The following RANBP2 variants were observed in gnomAD, a reference collection of about 807,000 sequenced individuals.
RANBP2 encodes RAN binding protein 2, also known as E3 SUMO-protein ligase RanBP2.
A neutral mutation model predicts 303.6 loss-of-function variants in RANBP2; 57 were observed. That is an observed-to-expected ratio of 0.19 (90% CI 0.15 to 0.23). The LOEUF is 0.23. RANBP2 is among the 10% of genes least tolerant of loss of function. The pLI, the probability that RANBP2 is intolerant of heterozygous loss-of-function variation, is 1.00. For synonymous variants in RANBP2, 1,167 were observed against 1,301.5 expected, an observed-to-expected ratio of 0.90 and a Z score of 2.23; for missense variants, 3,138 against 3,780.8, an observed-to-expected ratio of 0.83 and a Z score of 4.46.
the RANBP2 span, among the ~76,000 whole-genome samples, chr2:109,090,289 G>T: frequency 6.7e-6 from 1 of 149,072 alleles, no homozygotes; most frequent in East Asian, 2.0e-4. Context: ...TCAGAATTGT[G>T]GGGTTGTAGG....
the RANBP2 span, among the ~76,000 whole-genome samples, chr2:109,478,701 G>C: frequency 6.6e-6 from 1 of 152,150 alleles, no homozygotes; most frequent in Non-Finnish European, 1.5e-5. Flanking sequence ...AAGGGAGAGA[G>C]GGGGAGAGTC....
the RANBP2 span, among the ~76,000 whole-genome samples, chr2:108,836,331 C>T: frequency 6.6e-6 from 1 of 152,172 alleles, no homozygotes; most frequent in African/African-American, 2.4e-5. Flanking sequence ...TAGCATGTGA[C>T]AGGATTTCCT....
In RANBP2 at chr2:108,744,405, C is replaced by CA. The variant is rs35651916; in HGVS notation, c.976-2293dup. On this transcript the variant is annotated intron_variant, in intron 7 of 28. Coordinates refer to ENST00000283195, the MANE Select transcript of RANBP2 (RefSeq NM_006267.5). ...CTGGCGACAGAGCGAGACTCCATCT[C>CA]AAAAAAAAAAAAAGGAAATAGTGAA... 2.9e-3 allele frequency among the ~76,000 whole-genome samples: 385 copies of CA among 133,802 alleles called. 2 individuals are homozygous for CA. Among genetic ancestry groups the CA allele is most frequent in the African/African-American group, 7.6e-3 (296 of 38,746 alleles). The allele number at this position is 133,802 out of a possible 152,430, so 87.8% of individuals were successfully genotyped here.
At chr2:108,814,461 A>T in the RANBP2 span, among the ~76,000 whole-genome samples, 1 of 152,114 alleles carries the variant, frequency 6.6e-6, no homozygotes, top group Non-Finnish European at 1.5e-5. Flanking sequence ...TTTCATCTAA[A>T]GGGAGTTAGT....
chr2:109,101,775 C>T, the RANBP2 span, among the ~76,000 whole-genome samples: 1 of 152,132 alleles, frequency 6.6e-6, no homozygotes, highest in Admixed American at 6.6e-5. Flanking sequence ...CGGAGAGAGC[C>T]GAGCAGGGGG....
At chr2:109,407,764 G>A in the RANBP2 span, among the ~76,000 whole-genome samples, 6 of 152,112 alleles carry the variant, frequency 3.9e-5, no homozygotes, top group Non-Finnish European at 7.4e-5. Context: ...AAATTGCATT[G>A]TGAGAATCTT....
chr2:109,419,607 G>A, the RANBP2 span: 1,002 of 1,593,664 alleles, frequency 6.3e-4, 10 homozygotes, highest in Non-Finnish European at 1.7e-4. Flanking sequence ...CTGGAGAGCA[G>A]GGCACGCCTC....
chr2:109,527,396 TA>T, the RANBP2 span, among the ~76,000 whole-genome samples: 106 of 152,198 alleles, frequency 7.0e-4, 1 homozygote, highest in East Asian at 9.3e-3. Context: ...GGAGTTTGAG[TA>T]ACATAAGAAA....
At chr2:108,851,696 A>T in the RANBP2 span, among the ~76,000 whole-genome samples, 1 of 152,192 alleles carries the variant, frequency 6.6e-6, no homozygotes, top group Non-Finnish European at 1.5e-5. Flanking sequence ...GTTAAGACCC[A>T]CAATCAGAAA....
At chr2:108,870,466 A>C in the RANBP2 span, among the ~76,000 whole-genome samples, 1 of 152,212 alleles carries the variant, frequency 6.6e-6, no homozygotes, top group African/African-American at 2.4e-5. Flanking sequence ...CTGAAAACTT[A>C]TCAAATTTGA....
the RANBP2 span, chr2:109,614,122 A>G: frequency 8.3e-7 from 1 of 1,206,844 alleles, no homozygotes; most frequent in Non-Finnish European, 1.0e-6. Flanking sequence ...GGGCTGAAGG[A>G]GAGCTGGGAC....
At chr2:109,183,573 C>A in the RANBP2 span, among the ~76,000 whole-genome samples, 7 of 149,286 alleles carry the variant, frequency 4.7e-5, no homozygotes, top group Non-Finnish European at 7.4e-5. Context: ...CAGCTCTTCA[C>A]AATTCAGCCT....
At chr2:108,747,738 T>C (rs1489559396) in intron 8 of RANBP2, among the ~76,000 whole-genome samples, 2 of 152,198 alleles carry the variant, frequency 1.3e-5, no homozygotes, top group African/African-American at 2.4e-5. Context: ...TGTGTAGTGG[T>C]AACCAAACCT....
the RANBP2 span, among the ~76,000 whole-genome samples, chr2:109,399,518 G>A: frequency 6.6e-6 from 1 of 151,814 alleles, no homozygotes; most frequent in Non-Finnish European, 1.5e-5. Context: ...GCTCATGCCT[G>A]TAATCCTGGG....
chr2:109,114,369 A>G, the RANBP2 span, among the ~76,000 whole-genome samples: 3 of 152,254 alleles, frequency 2.0e-5, no homozygotes, highest in East Asian at 3.9e-4. Context: ...GGGAGGGTGT[A>G]TGTGTTGAGG....
At chr2:109,423,412 A>AAAAGGCCACC in the RANBP2 span, among the ~76,000 whole-genome samples, 2 of 152,192 alleles carry the variant, frequency 1.3e-5, no homozygotes, top group African/African-American at 2.4e-5. Context: ...GCGTGTGGTC[A>AAAAGGCCACC]AAAGGCCACC....
At chr2:108,773,412 A>G (rs1028739410) in intron 23 of RANBP2, among the ~76,000 whole-genome samples, 1 of 152,150 alleles carries the variant, frequency 6.6e-6, no homozygotes, top group Admixed American at 6.5e-5. Flanking sequence ...TGTGGCTACT[A>G]AATGGGTTTA....
At chr2:108,841,790 G>A in the RANBP2 span, among the ~76,000 whole-genome samples, 24 of 151,348 alleles carry the variant, frequency 1.6e-4, no homozygotes, top group Non-Finnish European at 3.5e-4. Flanking sequence ...ACTACTGGGT[G>A]GTTCTTTTTG....
At chr2:109,399,359 G>C in the RANBP2 span, among the ~76,000 whole-genome samples, 2 of 152,134 alleles carry the variant, frequency 1.3e-5, no homozygotes, top group Non-Finnish European at 2.9e-5. Flanking sequence ...AGGAGTCAGA[G>C]CTCAGAATCA....
Sources: gnomAD v4.1 joint callset for allele counts (sites outside exome capture counted in the v4.1 genomes callset) on GRCh38, gnomAD v4.1.1 for gene constraint, MANE v1.5 for transcripts, NCBI Gene and HGNC (gene_info 2026-07-23, HGNC 2026-07-21) for gene names.